Variants in TANK observed in about 807,000 individuals in gnomAD.
The protein encoded by TANK is TRAF family member associated NFKB activator.
Under a neutral mutation model 43.6 loss-of-function variants are expected in TANK, and 15 were observed. That is an observed-to-expected ratio of 0.34 (90% CI 0.23 to 0.53). The LOEUF (loss-of-function observed/expected upper bound fraction) is 0.53, where lower values mean the gene tolerates loss of function less well. Ranked by LOEUF, TANK falls within the 20% of genes least tolerant of loss-of-function variation. TANK has a pLI of 0.94. For synonymous variants in TANK, 162 were observed against 178.2 expected (o/e 0.91, Z 0.73); for missense variants, 417 against 498.6 (o/e 0.84, Z 1.56).
Position 161,203,611 on chromosome 2 carries a change from T to A in TANK, c.208+16T>A, listed in dbSNP as rs1686516008. On this transcript the variant is annotated intron_variant, in intron 3 of 7. Coordinates refer to ENST00000392749, the MANE Select transcript of TANK (RefSeq NM_001199135.3). ...TCCACTCAAGGTATGTTCATGTTAA[T>A]TTTTTATGTATTTCTAGAACCTCTT... 1.5e-5 allele frequency: 23 copies of A among 1,528,774 alleles called. No individual in the cohort carries two copies. The highest frequency in any genetic ancestry group is 2.1e-5 in the Non-Finnish European group (23 of 1,113,758). The allele number at this position is 1,528,774 out of a possible 1,614,324, so 94.7% of individuals were successfully genotyped here.
intron 1 of TANK, among the ~76,000 whole-genome samples, chr2:161,152,482 T>C (rs1439434015): frequency 6.6e-6 from 1 of 152,186 alleles, no homozygotes; most frequent in Non-Finnish European, 1.5e-5. Context: ...CTGGCCTTCA[T>C]AGTTTCAAAG....
intron 1 of TANK, among the ~76,000 whole-genome samples, chr2:161,142,375 T>A (rs1683775295): frequency 6.6e-6 from 1 of 152,182 alleles, no homozygotes; most frequent in South Asian, 2.1e-4. Context: ...CTTTTGGCAT[T>A]TTCGTCATGA....
At chr2:161,175,584 G>T (rs1029342746) in intron 1 of TANK, among the ~76,000 whole-genome samples, 1 of 152,078 alleles carries the variant, frequency 6.6e-6, no homozygotes. Context: ...TCAAAGTTTT[G>T]CTAGGGCTGG....
At chr2:161,193,609 G>A (rs1686015749) in intron 2 of TANK, among the ~76,000 whole-genome samples, 1 of 152,142 alleles carries the variant, frequency 6.6e-6, no homozygotes, top group Non-Finnish European at 1.5e-5. Flanking sequence ...CAGTCCACAG[G>A]TGACTAGAAC....
At chr2:161,222,605 T>G (rs1370107859) in intron 4 of TANK, among the ~76,000 whole-genome samples, 2 of 152,092 alleles carry the variant, frequency 1.3e-5, no homozygotes, top group African/African-American at 4.8e-5. Flanking sequence ...CTACCACTTT[T>G]AAAAACAAAC....
At chr2:161,221,583 A>C (rs1687344684) in intron 4 of TANK, among the ~76,000 whole-genome samples, 1 of 152,122 alleles carries the variant, frequency 6.6e-6, no homozygotes, top group African/African-American at 2.4e-5. Context: ...TCAGACTGCT[A>C]TAATGGAAAA....
chr2:161,224,614 T>C lies in TANK; in HGVS notation c.405-17T>C. The C allele has an allele frequency of 7.7e-7, 1 of 1,293,602 alleles. No individual in the cohort carries two copies. The highest frequency in any genetic ancestry group is 1.1e-6 in the Non-Finnish European group (1 of 941,276). The allele number at this position is 1,293,602 out of a possible 1,614,324, so 80.1% of individuals were successfully genotyped here. A position where few individuals can be genotyped will look rare whatever the true frequency, so the allele number is the denominator to read the frequency against. On this transcript the variant is annotated splice_polypyrimidine_tract_variant and intron_variant, in intron 5 of 7. Transcript: ENST00000392749. ...AGTTATAGCTTTACATTTTAAAATG[T>C]TGATTTTTTTTTTTAGGGGTAATAT... is the stretch of plus-strand genomic sequence containing the variant.
intron 7 of TANK, among the ~76,000 whole-genome samples, chr2:161,234,611 A>G (rs1211781104): frequency 6.6e-6 from 1 of 152,046 alleles, no homozygotes; most frequent in Non-Finnish European, 1.5e-5. Context: ...GACTTTCCAT[A>G]ATTCTTTAAC....
At chr2:161,161,435 A>C (rs533178227) in intron 1 of TANK, 5 of 1,550,538 alleles carry the variant, frequency 3.2e-6, no homozygotes, top group East Asian at 2.4e-5. Flanking sequence ...CAAGCAGTGC[A>C]TTCTGTTAAA....
intron 1 of TANK, among the ~76,000 whole-genome samples, chr2:161,143,231 A>G (rs1573938629): frequency 6.6e-6 from 1 of 152,142 alleles, no homozygotes; most frequent in African/African-American, 2.4e-5. Flanking sequence ...GGCTGAGATT[A>G]TGGGGTTTTC....
chr2:161,211,177 T>A (rs1686871136), intron 4 of TANK, among the ~76,000 whole-genome samples: 1 of 152,250 alleles, frequency 6.6e-6, no homozygotes, highest in Non-Finnish European at 1.5e-5. Flanking sequence ...ATAGCAGTTT[T>A]GGCAGGCAGT....
upstream of TANK, among the ~76,000 whole-genome samples, chr2:161,158,881 G>A (rs1684294105): frequency 6.6e-6 from 1 of 152,144 alleles, no homozygotes. Flanking sequence ...TAAAAAATGG[G>A]CCAAAGGCCT....
At chr2:161,151,521 C>A (rs918828722) in intron 1 of TANK, among the ~76,000 whole-genome samples, 2 of 151,814 alleles carry the variant, frequency 1.3e-5, no homozygotes, top group Admixed American at 1.3e-4. Context: ...TACATAATAT[C>A]CTTCTTTGTC....
At chr2:161,173,635 C>G (rs1024414785) in intron 1 of TANK, among the ~76,000 whole-genome samples, 1 of 151,726 alleles carries the variant, frequency 6.6e-6, no homozygotes, top group Non-Finnish European at 1.5e-5. Context: ...TGTGCCCAGA[C>G]CTTTTTTTTT....
chr2:161,164,491 C>T (rs192664149), intron 1 of TANK, among the ~76,000 whole-genome samples: 13 of 152,090 alleles, frequency 8.5e-5, no homozygotes, highest in African/African-American at 2.4e-4. Flanking sequence ...CTTTATAGTT[C>T]GGAACCAAGA....
chr2:161,231,857 T>C (rs1040297709), intron 7 of TANK, among the ~76,000 whole-genome samples: 1 of 152,238 alleles, frequency 6.6e-6, no homozygotes, highest in Non-Finnish European at 1.5e-5. Flanking sequence ...TTACTCAGGA[T>C]TAATAAGAAT....
At chr2:161,169,588 A>G (rs1684852354) in intron 1 of TANK, among the ~76,000 whole-genome samples, 1 of 152,234 alleles carries the variant, frequency 6.6e-6, no homozygotes, top group Admixed American at 6.5e-5. Context: ...AGAGATAAAT[A>G]CAAAAAAGAA....
chr2:161,152,052 CCA>C lies in TANK; in HGVS notation c.-50+14991_-50+14992del, dbSNP rs1160638898. On this transcript the variant is annotated intron_variant, in intron 1 of 7. Transcript: ENST00000259075. ...TTAGTTTCAGTAACATACAAACACT[CCA>C]CTACTAAGCAGCTTAATCACCCCTT... Among the ~76,000 whole-genome samples the C allele has an allele frequency of 1.3e-5, 2 of 152,236 alleles. 1 individual carries two copies. The highest frequency in any genetic ancestry group is 3.9e-4 in the East Asian group (2 of 5,188).
At chr2:161,178,532 G>C (rs1216560186) in intron 1 of TANK, among the ~76,000 whole-genome samples, 1 of 151,782 alleles carries the variant, frequency 6.6e-6, no homozygotes, top group Non-Finnish European at 1.5e-5. Flanking sequence ...AACTTAATAG[G>C]TATGGACTGT....
Sources: allele counts gnomAD v4.1 joint callset (sites outside exome capture counted in the v4.1 genomes callset), GRCh38; gene constraint gnomAD v4.1.1; transcripts MANE v1.5; gene names NCBI Gene and HGNC (gene_info 2026-07-23, HGNC 2026-07-21).